GALNTL6: variants seen among roughly 807,000 people sequenced by gnomAD.
GALNTL6 encodes the protein polypeptide N-acetylgalactosaminyltransferase like 6, also known as polypeptide N-acetylgalactosaminyltransferase-like 6.
A neutral mutation model predicts 73.7 loss-of-function variants in GALNTL6; 46 were observed. The ratio of observed to expected loss-of-function variants is 0.62; its 90% CI spans 0.49 to 0.80. The LOEUF (loss-of-function observed/expected upper bound fraction) is 0.80. GALNTL6 is among the 30% of genes least tolerant of loss of function. The pLI, the probability that GALNTL6 is intolerant of heterozygous loss-of-function variation, is 0.00. For missense variants in GALNTL6, 604 were observed against 755.0 expected (o/e 0.80, Z 2.34); for synonymous variants, 259 against 263.7 (o/e 0.98, Z 0.17).
chr4:172,667,851 C>G (rs1430243458), intron 5 of GALNTL6: 4 of 152,238 alleles, frequency 2.6e-5, no homozygotes, highest in Non-Finnish European at 5.9e-5. Context: ...CTGCTTATCA[C>G]TGGGAGGATT....
chr4:172,530,756 AT>A (rs1735142661), intron 5 of GALNTL6, among the ~76,000 whole-genome samples: 1 of 152,232 alleles, frequency 6.6e-6, no homozygotes, highest in Admixed American at 6.5e-5. Flanking sequence ...GAAATAAAAA[AT>A]ATTTGATAAC....
chr4:172,256,189 AT>A (rs1738070217), intron 3 of GALNTL6, among the ~76,000 whole-genome samples: 2 of 151,170 alleles, frequency 1.3e-5, no homozygotes, highest in African/African-American at 4.8e-5. Context: ...CCTTAATTTC[AT>A]TTTTTCTTCT....
intron 5 of GALNTL6, among the ~76,000 whole-genome samples, chr4:172,516,377 T>C (rs2110804507): frequency 6.6e-6 from 1 of 152,280 alleles, no homozygotes; most frequent in South Asian, 2.1e-4. Context: ...CTTTCATGAC[T>C]CCTCACATAT....
At chr4:172,027,229 T>C (rs1290884910) in intron 2 of GALNTL6, among the ~76,000 whole-genome samples, 3 of 152,160 alleles carry the variant, frequency 2.0e-5, no homozygotes. Context: ...ACAGATATTG[T>C]GGTTGTTACA....
chr4:172,703,550 A>G (rs979978903), intron 5 of GALNTL6, among the ~76,000 whole-genome samples: 3 of 151,956 alleles, frequency 2.0e-5, no homozygotes, highest in African/African-American at 7.2e-5. Context: ...ATTTTGCTTG[A>G]TCATGGTGAA....
chr4:171,947,824 C>T (rs989686332), intron 2 of GALNTL6, among the ~76,000 whole-genome samples: 2 of 152,132 alleles, frequency 1.3e-5, no homozygotes, highest in African/African-American at 4.8e-5. Flanking sequence ...CACCAGAGCC[C>T]TATCAACTGA....
chr4:172,339,204 G>T (rs140424429), intron 4 of GALNTL6, among the ~76,000 whole-genome samples: 79 of 150,500 alleles, frequency 5.2e-4, no homozygotes, highest in African/African-American at 1.8e-3. Context: ...GGACCCCTCT[G>T]TACCTTCATC....
At chr4:172,206,566 A>G (rs576113797) in intron 2 of GALNTL6, among the ~76,000 whole-genome samples, 2 of 152,130 alleles carry the variant, frequency 1.3e-5, no homozygotes, top group Admixed American at 1.3e-4. Context: ...GATGCAATAG[A>G]TAGTGACAGA....
At chr4:172,519,712 G>A (rs1463902640) in intron 5 of GALNTL6, among the ~76,000 whole-genome samples, 10 of 151,512 alleles carry the variant, frequency 6.6e-5, no homozygotes, top group African/African-American at 1.9e-4. Flanking sequence ...GTTGATTTGG[G>A]TTCCTTGCCA....
chr4:171,839,978 T>C (rs1466140837), intron 2 of GALNTL6, among the ~76,000 whole-genome samples: 4 of 152,136 alleles, frequency 2.6e-5, no homozygotes, highest in Non-Finnish European at 5.9e-5. Flanking sequence ...TTTAAGTATT[T>C]TAGTGTTTTA....
At chr4:172,107,930 T>C (rs1162487882) in intron 2 of GALNTL6, among the ~76,000 whole-genome samples, 4 of 152,194 alleles carry the variant, frequency 2.6e-5, no homozygotes, top group African/African-American at 9.7e-5. Context: ...TACTAAATCT[T>C]TCTCAGAATA....
intron 2 of GALNTL6, among the ~76,000 whole-genome samples, chr4:172,216,772 C>T (rs1490624510): frequency 6.6e-6 from 1 of 152,064 alleles, no homozygotes; most frequent in Non-Finnish European, 1.5e-5. Flanking sequence ...ACACAGCCCT[C>T]AGGAGGTCCC....
chr4:172,488,746 T>A lies in GALNTL6; in HGVS notation c.553+140057T>A, dbSNP rs139407765. 1.9e-4 allele frequency among the ~76,000 whole-genome samples: 28 copies of A among 150,374 alleles called. No homozygotes were observed. In the East Asian group the frequency reaches 5.2e-3, roughly 28 times the overall value. On this transcript the variant is annotated intron_variant, in intron 5 of 12. Transcript: ENST00000506823. Reference sequence around the variant, plus strand: ...AGACCTCCAACACTTGATAGAAGCGTCAAAGAATTTACAGACAGATTTCAG... The same window carrying A: ...AGACCTCCAACACTTGATAGAAGCGACAAAGAATTTACAGACAGATTTCAG...
At chr4:172,312,981 T>C (rs1384108278) in intron 4 of GALNTL6, among the ~76,000 whole-genome samples, 1 of 152,170 alleles carries the variant, frequency 6.6e-6, no homozygotes, top group Non-Finnish European at 1.5e-5. Context: ...TTATCTACAG[T>C]AATTCTCACT....
chr4:172,626,042 T>C lies in GALNTL6; in HGVS notation c.554-183319T>C, dbSNP rs1283627190. Among the ~76,000 whole-genome samples the C allele has an allele frequency of 2.6e-5, 4 of 152,230 alleles. No homozygotes were observed. In the East Asian group the frequency reaches 7.7e-4, roughly 29 times the overall value. On this transcript the variant is annotated intron_variant, in intron 5 of 12. Transcript: ENST00000506823. ...GTTTAATTAGATCTCACTTGTCAAT[T>C]TTAGTTTTTGTTGGAATTGCTCTTG...
At chr4:172,281,098 G>A (rs758454742) in intron 3 of GALNTL6, among the ~76,000 whole-genome samples, 7 of 151,944 alleles carry the variant, frequency 4.6e-5, no homozygotes, top group Non-Finnish European at 8.8e-5. Context: ...GAACCTGGGA[G>A]GCGGAGCTTG....
At chr4:172,215,137 A>T (rs1736455505) in intron 2 of GALNTL6, among the ~76,000 whole-genome samples, 1 of 151,906 alleles carries the variant, frequency 6.6e-6, no homozygotes, top group African/African-American at 2.4e-5. Flanking sequence ...TATTTGTATG[A>T]TTTCTATTCT....
At chr4:171,964,245 C>G (rs1241743854) in intron 2 of GALNTL6, among the ~76,000 whole-genome samples, 3 of 151,770 alleles carry the variant, frequency 2.0e-5, no homozygotes, top group African/African-American at 7.3e-5. Context: ...GGCAGAGTAA[C>G]TTGTTAGTTT....
intron 5 of GALNTL6, among the ~76,000 whole-genome samples, chr4:172,463,214 C>T (rs894420613): frequency 7.3e-5 from 11 of 151,624 alleles, no homozygotes; most frequent in Non-Finnish European, 1.0e-4. Context: ...TATCATCTTG[C>T]TATTTCTAGA....
Sources: allele counts gnomAD v4.1 joint callset (sites outside exome capture counted in the v4.1 genomes callset), GRCh38; gene constraint gnomAD v4.1.1; transcripts MANE v1.5; gene names NCBI Gene and HGNC (gene_info 2026-07-23, HGNC 2026-07-21).